The following MSH3 variants were observed in gnomAD, a reference collection of about 807,000 sequenced individuals.
MSH3 encodes the protein mutS homolog 3.
Under a neutral mutation model 123.3 loss-of-function variants are expected in MSH3, and 106 were observed. The observed-to-expected ratio is 0.86, with a 90% confidence interval of 0.73 to 1.01. The LOEUF is 1.01. Among genes scored for constraint, MSH3 ranks in the 50% least tolerant of loss-of-function variants. The pLI is 0.00. For missense variants in MSH3, 1,459 were observed against 1,347.6 expected (o/e 1.08, Z -1.29); for synonymous variants, 515 against 481.4 (o/e 1.07, Z -0.91).
chr5:80,721,876 C>T (rs758706199), intron 8 of MSH3, among the ~76,000 whole-genome samples: 37 of 152,112 alleles, frequency 2.4e-4, no homozygotes, highest in Middle Eastern at 3.4e-3. Context: ...AGGGAGTGTT[C>T]TGCTTTTGTG....
At chr5:80,794,897 G>T (rs1479739310) in intron 19 of MSH3, among the ~76,000 whole-genome samples, 1 of 152,212 alleles carries the variant, frequency 6.6e-6, no homozygotes, top group African/African-American at 2.4e-5. Flanking sequence ...TGAGGTACAT[G>T]GTCCATGGTT....
At chr5:80,790,915 C>T (rs867713019) in intron 18 of MSH3, among the ~76,000 whole-genome samples, 13 of 152,248 alleles carry the variant, frequency 8.5e-5, no homozygotes, top group Middle Eastern at 3.4e-3. Context: ...ATCTGAGATT[C>T]TGAATGCTCA....
At chr5:80,685,201 CTTTTTTTTTTTT>C (rs70991171) in intron 8 of MSH3, among the ~76,000 whole-genome samples, 1,712 of 107,684 alleles carry the variant, frequency 0.016, 47 homozygotes, top group African/African-American at 0.055. Flanking sequence ...AAGTATTCTC[CTTTTTTTTTTTT>C]TTTTTTTTTT....
intron 8 of MSH3, among the ~76,000 whole-genome samples, chr5:80,680,207 C>T (rs1213885054): frequency 6.6e-6 from 1 of 151,690 alleles, no homozygotes; most frequent in African/African-American, 2.4e-5. Context: ...TTGCAATGAG[C>T]CAAGATCACA....
intron 7 of MSH3, among the ~76,000 whole-genome samples, chr5:80,675,617 T>G (rs992139722): frequency 6.6e-6 from 1 of 152,138 alleles, no homozygotes; most frequent in Non-Finnish European, 1.5e-5. Flanking sequence ...TCTAATCACC[T>G]CCCACCAGGT....
At chr5:80,696,615 T>A (rs1263144651) in intron 8 of MSH3, among the ~76,000 whole-genome samples, 2 of 152,214 alleles carry the variant, frequency 1.3e-5, no homozygotes, top group Non-Finnish European at 2.9e-5. Context: ...TGGTCTGCTT[T>A]CTGCTCACCT....
At chr5:80,774,625 A>G (rs765490797) in intron 15 of MSH3, among the ~76,000 whole-genome samples, 2 of 152,216 alleles carry the variant, frequency 1.3e-5, no homozygotes, top group South Asian at 2.1e-4. Context: ...AGTACTATAC[A>G]GCCATAAAAA....
At chr5:80,837,782 A>T (rs1424508399) in intron 20 of MSH3, among the ~76,000 whole-genome samples, 1 of 152,222 alleles carries the variant, frequency 6.6e-6, no homozygotes, top group East Asian at 1.9e-4. Context: ...TCATGACCCC[A>T]GACACAGCTT....
At chr5:80,739,194 G>T (rs1743567922) in intron 10 of MSH3, among the ~76,000 whole-genome samples, 2 of 152,184 alleles carry the variant, frequency 1.3e-5, no homozygotes, top group African/African-American at 4.8e-5. Context: ...TGTCAGAACA[G>T]CGGAAGTAAG....
At chr5:80,847,262 G>T (rs894738360) in intron 20 of MSH3, among the ~76,000 whole-genome samples, 5 of 151,790 alleles carry the variant, frequency 3.3e-5, no homozygotes, top group African/African-American at 1.2e-4. Context: ...GTTTTGCCAT[G>T]TTGGCCAGGC....
chr5:80,729,079 A>G, intron 10 of MSH3, 114 bp downstream of exon 10: 5 of 707,884 alleles, frequency 7.1e-6, no homozygotes, highest in Non-Finnish European at 1.3e-5. Context: ...ATAGAATACT[A>G]GGGTGCAAGG....
intron 13 of MSH3, among the ~76,000 whole-genome samples, chr5:80,762,919 T>C (rs1418205114): frequency 1.3e-5 from 2 of 152,026 alleles, no homozygotes; most frequent in African/African-American, 2.4e-5. Flanking sequence ...TGATCTCGGC[T>C]CACTGCAACC....
chr5:80,719,391 A>G (rs963382194), intron 8 of MSH3, among the ~76,000 whole-genome samples: 24 of 152,180 alleles, frequency 1.6e-4, no homozygotes, highest in African/African-American at 5.8e-4. Context: ...TAGGGAGGCT[A>G]TTTATTGGAT....
At chr5:80,810,383 TATTA>T (rs67620227) in intron 19 of MSH3, among the ~76,000 whole-genome samples, 105,315 of 151,024 alleles carry the variant, frequency 0.7, 36,748 homozygotes, top group South Asian at 0.79. Flanking sequence ...ATACAAACAA[TATTA>T]CAGTGAACAG....
chr5:80,784,186 G>A (rs1241392905), intron 17 of MSH3, among the ~76,000 whole-genome samples: 1 of 128,206 alleles, frequency 7.8e-6, no homozygotes, highest in Non-Finnish European at 1.6e-5. Context: ...CTCCAGCCTC[G>A]GCGAAAGAGC....
chr5:80,866,688 C>T (rs1212482131), intron 22 of MSH3, among the ~76,000 whole-genome samples: 3 of 152,176 alleles, frequency 2.0e-5, no homozygotes, highest in Non-Finnish European at 4.4e-5. Flanking sequence ...TTTTCCCTTC[C>T]TCTGTCCTTC....
intron 12 of MSH3, among the ~76,000 whole-genome samples, chr5:80,754,577 G>A (rs1330101938): frequency 2.0e-5 from 3 of 152,040 alleles, no homozygotes; most frequent in African/African-American, 7.2e-5. Context: ...CACATTTAGA[G>A]CAAATGAGTA....
intron 19 of MSH3, among the ~76,000 whole-genome samples, chr5:80,804,251 C>G (rs1405778583): frequency 4.6e-5 from 7 of 152,190 alleles, no homozygotes; most frequent in African/African-American, 1.7e-4. Flanking sequence ...ATGTAGAGCC[C>G]TGGGACCTTG....
At chr5:80,731,936 T>C (rs1264595814) in intron 10 of MSH3, among the ~76,000 whole-genome samples, 3 of 152,208 alleles carry the variant, frequency 2.0e-5, no homozygotes, top group Non-Finnish European at 4.4e-5. Context: ...TAGTAAATGC[T>C]TTCACAAACG....
Sources: allele counts gnomAD v4.1 joint callset (sites outside exome capture counted in the v4.1 genomes callset), GRCh38; gene constraint gnomAD v4.1.1; transcripts MANE v1.5; gene names NCBI Gene and HGNC (gene_info 2026-07-23, HGNC 2026-07-21).